The following SMARCA1 variants were observed in gnomAD, a reference collection of about 807,000 sequenced individuals.
The protein encoded by SMARCA1 is SWI/SNF-related matrix-associated actin-dependent regulator of chromatin subfamily A member 1.
SMARCA1 carries 17 observed loss-of-function variants against 93.6 expected under a neutral mutation model. That is an observed-to-expected ratio of 0.18 (90% CI 0.12 to 0.27). The LOEUF is 0.27. Among genes scored for constraint, SMARCA1 ranks in the 10% least tolerant of loss-of-function variants. The pLI, the probability that SMARCA1 is intolerant of heterozygous loss-of-function variation, is 1.00. For synonymous variants in SMARCA1, 271 were observed against 271.4 expected, an observed-to-expected ratio of 1.00 and a Z score of 0.01; for missense variants, 630 against 819.0, an observed-to-expected ratio of 0.77 and a Z score of 2.82.
chrX:129,464,798 A>G (rs1328041723), intron 23 of SMARCA1, among the ~76,000 whole-genome samples: 1 of 112,021 alleles, frequency 8.9e-6, no homozygotes, highest in Non-Finnish European at 1.9e-5. Flanking sequence ...GTGTGACAAC[A>G]TGACATAATG....
At chrX:129,504,546 G>GAAGAAAAAAAAAAAAAAAAAAAAA (rs1934703363) in intron 9 of SMARCA1, among the ~76,000 whole-genome samples, 188 bp downstream of exon 9, 1 of 11,579 alleles carries the variant, frequency 8.6e-5, no homozygotes, top group African/African-American at 5.8e-4. Flanking sequence ...GGACATAGAG[G>GAAGAAAAAAAAAAAAAAAAAAAAA]AATAAAAAAA....
At chrX:129,514,026 G>T (rs1272776484) in intron 5 of SMARCA1, among the ~76,000 whole-genome samples, 5 of 112,620 alleles carry the variant, frequency 4.4e-5, no homozygotes, top group Non-Finnish European at 9.4e-5. Flanking sequence ...TATTAATTTG[G>T]TCTTAAAATA....
rs775594128 is a variant in SMARCA1, at chrX:129,523,232, T to C, written c.139A>G (p.Thr47Ala). 6.5e-5 allele frequency: 78 copies of C among 1,209,078 alleles called. 2 individuals are homozygous for C. The Middle Eastern group carries it at 1.8e-3, about 28-fold the overall frequency. The change falls in exon 1 of 25, where the codon ACC (threonine) becomes GCC (alanine). Residue 47 changes from threonine (T) to alanine (A), a missense_variant. Thr to Ala is a moderately conservative substitution (Grantham distance 58). Coordinates refer to ENST00000371121, the MANE Select transcript of SMARCA1 (RefSeq NM_001282874.2). ...EGAAAAATEA[T>A]AATEKGEKKK... is the part of the protein sequence containing the mutation. Reference sequence around the variant, plus strand: ...TTCTCGCCCTTCTCCGTGGCCGCGGTGGCTTCGGTGGCCGCGGCGGCCGCT... The same window carrying C: ...TTCTCGCCCTTCTCCGTGGCCGCGGCGGCTTCGGTGGCCGCGGCGGCCGCT...
In SMARCA1 at chrX:129,489,064, G is replaced by C; in HGVS notation, c.1970C>G (p.Ser657Cys). 8.4e-7 allele frequency: 1 copy of C among 1,189,988 alleles called. No individual in the cohort carries two copies. Among genetic ancestry groups the C allele is most frequent in the Admixed American group, 2.2e-5 (1 of 45,581 alleles). Reference protein sequence around the residue: ...IQQGRLIDQQSNKLAKEEMLQ... With the variant: ...IQQGRLIDQQCNKLAKEEMLQ... The stretch of plus-strand genomic sequence containing the variant: ...CATTTCCTCTTTTGCCAGCTTGTTA[G>C]ACTGTTGGTCAATGAGTCTTCCTAA... The change falls in exon 16 of 25, where the codon TCT (serine) becomes TGT (cysteine). Residue 657 changes from serine (S) to cysteine (C), a missense_variant. Physicochemically the swap from Ser to Cys is moderately radical, Grantham distance 112. Around this residue, in one of 4 missense-constraint regions of SMARCA1, gnomAD observed 382 missense variants for 537.9 expected, o/e 0.71. Transcript: ENST00000371121.
Position 129,447,123 on chromosome X carries a change from A to G in SMARCA1, c.*39T>C. 3.7e-6 allele frequency: 4 copies of G among 1,090,084 alleles called. No individual in the cohort carries two copies. The highest frequency in any genetic ancestry group is 4.9e-6 in the Non-Finnish European group (4 of 816,916). 89.8% of individuals were successfully genotyped at this position (1,090,084 alleles called of 1,213,427 possible). On this transcript the variant is annotated 3_prime_UTR_variant, in exon 25 of 25. Coordinates refer to ENST00000371121, the MANE Select transcript of SMARCA1 (RefSeq NM_001282874.2). ...ATTAGCATTTGAAGATGGGAACAAG[A>G]AAATAGCAGTTTCCCATTTAAAACT...
rs983468437 is a variant in SMARCA1, at chrX:129,479,312, T to A, written c.2442+1389A>T. Among the ~76,000 whole-genome samples, 66 of 111,327 alleles carry A rather than the reference T, an allele frequency of 5.9e-4. 1 individual carries two copies. The highest frequency in any genetic ancestry group is 5.7e-4 in the Non-Finnish European group (30 of 52,898). Reference sequence around the variant, plus strand: ...AGATAACTACTTCATTATTAAACAATTAATAATTATTGTTAATAATTATCA... The same window carrying A: ...AGATAACTACTTCATTATTAAACAAATAATAATTATTGTTAATAATTATCA... On this transcript the variant is annotated intron_variant, in intron 19 of 24. Coordinates refer to ENST00000371121, the MANE Select transcript of SMARCA1 (RefSeq NM_001282874.2).
intron 14 of SMARCA1, among the ~76,000 whole-genome samples, chrX:129,490,422 C>A (rs1031861071): frequency 8.9e-6 from 1 of 111,847 alleles, no homozygotes; most frequent in Non-Finnish European, 1.9e-5. Flanking sequence ...GGCAAAGCAC[C>A]TGTAAGATGA....
chrX:129,484,384 A>G (rs1435668468), intron 17 of SMARCA1, among the ~76,000 whole-genome samples: 1 of 111,777 alleles, frequency 8.9e-6, no homozygotes, highest in Non-Finnish European at 1.9e-5. Flanking sequence ...ATAAAATATA[A>G]GCCGTCTAAG....
chrX:129,518,175 C>G (rs145482001), intron 2 of SMARCA1, among the ~76,000 whole-genome samples, 186 bp downstream of exon 2: 1 of 111,635 alleles, frequency 9.0e-6, no homozygotes, highest in African/African-American at 3.2e-5. Flanking sequence ...ATTTCCTCAT[C>G]TGAAAATGAG....
At chrX:129,482,646 A>G (rs1325760646) in intron 17 of SMARCA1, among the ~76,000 whole-genome samples, 1 of 112,414 alleles carries the variant, frequency 8.9e-6, no homozygotes, top group Non-Finnish European at 1.9e-5. Context: ...AGTTAAATGC[A>G]AGATATTATT....
chrX:129,456,223 G>T (rs1461536417), intron 23 of SMARCA1, among the ~76,000 whole-genome samples: 3 of 111,612 alleles, frequency 2.7e-5, no homozygotes, highest in African/African-American at 9.8e-5. Context: ...AAAGGCTGGG[G>T]TGACAGCACT....
intron 14 of SMARCA1, among the ~76,000 whole-genome samples, chrX:129,491,228 A>T (rs1233844000): frequency 2.7e-5 from 3 of 111,789 alleles, no homozygotes; most frequent in Non-Finnish European, 5.7e-5. Context: ...ACTTATCCAT[A>T]GCTATATATT....
chrX:129,487,080 T>C lies in SMARCA1; in HGVS notation c.2155A>G (p.Arg719Gly). 8.6e-7 allele frequency: 1 copy of C among 1,165,921 alleles called. No individual in the cohort carries two copies. Among genetic ancestry groups the C allele is most frequent in the Non-Finnish European group, 1.2e-6 (1 of 857,436 alleles). Residue 719 changes from arginine to glycine, a missense_variant, in exon 17 of 25, where the codon AGA becomes GGA. Arg to Gly is a moderately radical substitution (Grantham distance 125). Coordinates refer to ENST00000371121, the MANE Select transcript of SMARCA1 (RefSeq NM_001282874.2). ...TATAAACTTTGTTCAATGTCCATTC[T>C]AAAATTTCTTAGAGAAGACTCTCCC... is the stretch of plus-strand genomic sequence containing the variant. The part of the protein sequence containing the change: ...KMGESSLRNF[R>G]MDIEQSLYKF...
chrX:129,451,700 A>ATTTTTT (rs772285996), intron 23 of SMARCA1, among the ~76,000 whole-genome samples: 1 of 81,445 alleles, frequency 1.2e-5, no homozygotes, highest in Non-Finnish European at 2.4e-5. Flanking sequence ...TACCAGCTCC[A>ATTTTTT]TTTTTTTTTT....
rs1569453185 is a variant in SMARCA1 at position 129,523,393 on chromosome X, G to A, written c.-23C>T. On this transcript the variant is annotated 5_prime_UTR_variant, in exon 1 of 25. Transcript: ENST00000371121. ...CATGCCGTGGGAGCGGGAACGAGTA[G>A]GGGGACAAGGCAGGGGACGAGGGCT... 8.7e-7 allele frequency: 1 copy of A among 1,146,687 alleles called. No homozygotes were observed. Among genetic ancestry groups the A allele is most frequent in the South Asian group, 2.0e-5 (1 of 50,086 alleles). 94.5% of individuals were successfully genotyped at this position (1,146,687 alleles called of 1,213,427 possible).
chrX:129,448,086 T>C (rs1932090886), intron 24 of SMARCA1, among the ~76,000 whole-genome samples: 1 of 109,101 alleles, frequency 9.2e-6, no homozygotes, highest in South Asian at 4.1e-4. Flanking sequence ...TATACTTCTG[T>C]TTAGATTCAT....
At chrX:129,483,096 G>C (rs1933753225) in intron 17 of SMARCA1, among the ~76,000 whole-genome samples, 1 of 112,213 alleles carries the variant, frequency 8.9e-6, no homozygotes, top group Non-Finnish European at 1.9e-5. Context: ...AATCAATGTG[G>C]AAAGTTAGAG....
chrX:129,456,827 T>A (rs763988154), intron 23 of SMARCA1, among the ~76,000 whole-genome samples: 24 of 111,924 alleles, frequency 2.1e-4, no homozygotes, highest in Non-Finnish European at 4.1e-4. Context: ...AGAAAGTGGT[T>A]ACTTGGGAAG....
intron 6 of SMARCA1, among the ~76,000 whole-genome samples, chrX:129,509,522 T>G (rs1051201343): frequency 1.8e-5 from 2 of 112,141 alleles, no homozygotes; most frequent in Admixed American, 9.5e-5. Context: ...TTATCCTTAT[T>G]TGATTTTGTG....
Sources: gnomAD v4.1 joint callset for allele counts (sites outside exome capture counted in the v4.1 genomes callset) on GRCh38, gnomAD v4.1.1 for gene constraint, gnomAD v4.1.1 regional missense constraint, MANE v1.5 for transcripts, NCBI Gene and HGNC (gene_info 2026-07-23, HGNC 2026-07-21) for gene names.